Variants in EID1 observed in about 807,000 individuals in gnomAD.
The protein encoded by EID1 is EP300-interacting inhibitor of differentiation 1.
In EID1, 3 loss-of-function variants were observed where a neutral mutation model predicts 13.7. The ratio of observed to expected loss-of-function variants is 0.22; its 90% confidence interval spans 0.10 to 0.57. EID1 has a LOEUF of 0.57. EID1 is among the 20% of genes least tolerant of loss of function. EID1 has a pLI of 0.92. For missense variants in EID1, 261 were observed against 247.6 expected (o/e 1.05, Z -0.36); for synonymous variants, 105 against 97.6 (o/e 1.08, Z -0.44).
chr15:48,878,356 G>C lies in EID1; in HGVS notation c.180G>C (p.Glu60Asp), dbSNP rs1463471097. ...TCGAGGAGGAAGGCCCAATGGAGGA[G>C]GAGGAGGCCCAGCCAATGGCGGCGC... The part of the protein sequence containing the change: ...QQLEEEGPME[E>D]EEAQPMAAPE... The change falls in exon 1 of 1, where the codon GAG (glutamate) becomes GAC (aspartate). Residue 60 changes from glutamate (E) to aspartate (D), a missense_variant. By Grantham distance (45) the Glu-to-Asp change is conservative. Around this residue, in one of 2 missense-constraint regions of EID1, gnomAD observed 244 missense variants for 210.8 expected, o/e 1.16. Coordinates refer to ENST00000530028, the MANE Select transcript of EID1 (RefSeq NM_014335.3). 6.2e-7 allele frequency: 1 copy of C among 1,613,452 alleles called. No homozygotes were observed. Among genetic ancestry groups the C allele is most frequent in the Non-Finnish European group, 8.5e-7 (1 of 1,179,660 alleles).
rs1899889673 is a variant in EID1, at chr15:48,879,100, C to T, written c.*360C>T. The T allele has an allele frequency of 1.0e-5, 2 of 195,640 alleles. No individual in the cohort carries two copies. Among genetic ancestry groups the T allele is most frequent in the African/African-American group, 4.7e-5 (2 of 42,306 alleles). The allele number at this position is 195,640 out of a possible 1,614,324, so 12.1% of individuals were successfully genotyped here. A position where few individuals can be genotyped will look rare whatever the true frequency, so the allele number is the denominator to read the frequency against. On this transcript the variant is annotated 3_prime_UTR_variant, in exon 1 of 1. Transcript: ENST00000530028. The stretch of plus-strand genomic sequence containing the variant: ...AAGAATAAGTCATGACCAAGACAAA[C>T]TGCCAATACAAAAGCCCACTGATAC...
chr15:48,878,561 G>C lies in EID1; in HGVS notation c.385G>C (p.Glu129Gln), dbSNP rs1336241834. Residue 129 changes from glutamate (E) to glutamine (Q), a missense_variant, in exon 1 of 1, where the codon GAA becomes CAA. This residue lies in a region of EID1 where 244 missense variants were observed against 210.8 expected (regional missense o/e 1.16). Coordinates refer to ENST00000530028, the MANE Select transcript of EID1 (RefSeq NM_014335.3). ...CGGCTACAGAGTATCAGCCGCTCTT[G>C]AAGAAGCCGACAAGATGTTTCTGAG... ...GAGYRVSAAL[E>Q]EADKMFLRTR... 17 of 1,614,064 alleles carry C rather than the reference G, an allele frequency of 1.1e-5. No individual in the cohort carries two copies. The highest frequency in any genetic ancestry group is 1.4e-5 in the Non-Finnish European group (17 of 1,179,902).
Position 48,878,205 on chromosome 15 carries a change from T to C in EID1, c.29T>C (p.Leu10Pro), listed in dbSNP as rs748317757. The change falls in exon 1 of 1, where the codon CTG becomes CCG. Residue 10 changes from leucine (L) to proline (P), a missense_variant. By Grantham distance (98) the Leu-to-Pro change is moderately conservative. Around this residue, in one of 2 missense-constraint regions of EID1, gnomAD observed 244 missense variants for 210.8 expected, o/e 1.16. Coordinates refer to ENST00000530028, the MANE Select transcript of EID1 (RefSeq NM_014335.3). Reference sequence around the variant, plus strand: ...TCGGAAATGGCTGAGTTGTCCGAGCTGTATGAAGAGAGCAGTGACCTGCAG... The same window carrying C: ...TCGGAAATGGCTGAGTTGTCCGAGCCGTATGAAGAGAGCAGTGACCTGCAG... MSEMAELSE[L>P]YEESSDLQMD... 8 of 1,576,768 alleles carry C rather than the reference T, an allele frequency of 5.1e-6. No homozygotes were observed. The highest frequency in any genetic ancestry group is 1.3e-5 in the African/African-American group (1 of 74,102).
At position 48,878,241 on chromosome 15, in the gene EID1, T is replaced by C. The variant is rs760215753; in HGVS notation, c.65T>C (p.Met22Thr). 8.7e-6 allele frequency: 14 copies of C among 1,610,466 alleles called. No individual in the cohort carries two copies. Among genetic ancestry groups the C allele is most frequent in the Middle Eastern group, 3.3e-4 (2 of 6,042 alleles). ...EESSDLQMDV[M>T]PGEGDLPQME... ...AGCAGTGACCTGCAGATGGATGTGA[T>C]GCCTGGCGAGGGTGACCTTCCGCAG... The change falls in exon 1 of 1, where the codon ATG becomes ACG. Residue 22 changes from methionine (M) to threonine (T), a missense_variant. Around this residue, in one of 2 missense-constraint regions of EID1, gnomAD observed 244 missense variants for 210.8 expected, o/e 1.16. Transcript: ENST00000530028.
In EID1 at chr15:48,878,775, G is replaced by A; in HGVS notation, c.*35G>A. Reference sequence around the variant, plus strand: ...GTTAAAAGAGGAGGAAACTACTTGAGGAGGGACCCAACTTTCCGCTATCTT... The same window carrying A: ...GTTAAAAGAGGAGGAAACTACTTGAAGAGGGACCCAACTTTCCGCTATCTT... On this transcript the variant is annotated 3_prime_UTR_variant, in exon 1 of 1. Transcript: ENST00000530028. 1 of 1,565,568 alleles carries A rather than the reference G, an allele frequency of 6.4e-7. No individual in the cohort carries two copies. Among genetic ancestry groups the A allele is most frequent in the East Asian group, 2.3e-5 (1 of 44,048 alleles).
At position 48,878,782 on chromosome 15, in the gene EID1, C is replaced by T. The variant is rs768753967; in HGVS notation, c.*42C>T. The T allele has an allele frequency of 6.5e-7, 1 of 1,542,192 alleles. No individual in the cohort carries two copies. Reference sequence around the variant, plus strand: ...GAGGAGGAAACTACTTGAGGAGGGACCCAACTTTCCGCTATCTTTTGGGTT... The same window carrying T: ...GAGGAGGAAACTACTTGAGGAGGGATCCAACTTTCCGCTATCTTTTGGGTT... On this transcript the variant is annotated 3_prime_UTR_variant, in exon 1 of 1. Coordinates refer to ENST00000530028, the MANE Select transcript of EID1 (RefSeq NM_014335.3).
At position 48,879,364 on chromosome 15, in the gene EID1, C is replaced by G. The variant is rs1051601991; in HGVS notation, c.*624C>G. 3.6e-5 allele frequency: 6 copies of G among 167,084 alleles called. No homozygotes were observed. Among genetic ancestry groups the G allele is most frequent in the Non-Finnish European group, 7.3e-5 (5 of 68,126 alleles). The allele number at this position is 167,084 out of a possible 1,614,324, so 10.4% of individuals were successfully genotyped here. On this transcript the variant is annotated 3_prime_UTR_variant, in exon 1 of 1. Transcript: ENST00000530028. ...TCTGAAATTTTGTTTGTACATGTAT[C>G]TTGATCATTTATAAAGCCACTGTGA...
Position 48,878,503 on chromosome 15 carries a change from C to T in EID1, c.327C>T (p.Tyr109=), listed in dbSNP as rs112644597. Reference sequence around the variant, plus strand: ...AATTTGATGACTGGGAGGACGACTACGACTATCCCGAAGAGGAGCAGCTCA... The same window carrying T: ...AATTTGATGACTGGGAGGACGACTATGACTATCCCGAAGAGGAGCAGCTCA... The part of the protein sequence containing the change: ...GEEFDDWEDD[Y]DYPEEEQLSG... Residue 109 remains tyrosine (Y), a synonymous_variant, in exon 1 of 1, where the codon TAC becomes TAT. Transcript: ENST00000530028. 7.0e-4 allele frequency: 1,126 copies of T among 1,613,988 alleles called. 10 individuals carry two copies. The African/African-American group carries it at 0.013, about 19-fold the overall frequency.
rs1315932542 is a variant in EID1 at position 48,879,149 on chromosome 15, G to A, written c.*409G>A. On this transcript the variant is annotated 3_prime_UTR_variant, in exon 1 of 1. Coordinates refer to ENST00000530028, the MANE Select transcript of EID1 (RefSeq NM_014335.3). ...ACTAATTATATAATGAGAAAAAAATGTATCCAACTAGGACACATATCTTTT... is the reference window on the plus strand; with the variant it reads ...ACTAATTATATAATGAGAAAAAAATATATCCAACTAGGACACATATCTTTT... The A allele has an allele frequency of 1.1e-5, 2 of 176,810 alleles. No individual in the cohort carries two copies. Among genetic ancestry groups the A allele is most frequent in the African/African-American group, 4.8e-5 (2 of 41,612 alleles). 11.0% of individuals were successfully genotyped at this position (176,810 alleles called of 1,614,324 possible). A position where few individuals can be genotyped will look rare whatever the true frequency, so the allele number is the denominator to read the frequency against.
Position 48,880,025 on chromosome 15 carries a change from T to A in EID1, c.*1285T>A, listed in dbSNP as rs1237969681. 6.0e-6 allele frequency: 1 copy of A among 167,092 alleles called. No homozygotes were observed. Among genetic ancestry groups the A allele is most frequent in the Non-Finnish European group, 1.5e-5 (1 of 68,112 alleles). The allele number at this position is 167,092 out of a possible 1,614,324, so 10.4% of individuals were successfully genotyped here. ...GAGTATGTTGCCGTGGTTACCTTAC[T>A]AAGATGCTGAAGTTCTAGGAGAGTA... On this transcript the variant is annotated 3_prime_UTR_variant, in exon 1 of 1. Transcript: ENST00000530028.
chr15:48,878,355 A>G lies in EID1; in HGVS notation c.179A>G (p.Glu60Gly). 6.2e-7 allele frequency: 1 copy of G among 1,613,424 alleles called. No individual in the cohort carries two copies. The highest frequency in any genetic ancestry group is 8.5e-7 in the Non-Finnish European group (1 of 1,179,598). ...CTCGAGGAGGAAGGCCCAATGGAGG[A>G]GGAGGAGGCCCAGCCAATGGCGGCG... ...QQLEEEGPMEEEEAQPMAAPE... is the reference protein window; with the variant it reads ...QQLEEEGPMEGEEAQPMAAPE... Residue 60 changes from glutamate (E) to glycine (G), a missense_variant, in exon 1 of 1, where the codon GAG (glutamate) becomes GGG (glycine). Glu to Gly is a moderately conservative substitution (Grantham distance 98). Around this residue, in one of 2 missense-constraint regions of EID1, gnomAD observed 244 missense variants for 210.8 expected, o/e 1.16. Transcript: ENST00000530028.
rs1899883271 is a variant in EID1 at position 48,878,808 on chromosome 15, C to T, written c.*68C>T. 3.5e-6 allele frequency: 5 copies of T among 1,443,714 alleles called. No homozygotes were observed. The highest frequency in any genetic ancestry group is 4.8e-5 in the Admixed American group (2 of 41,340). 89.4% of individuals were successfully genotyped at this position (1,443,714 alleles called of 1,614,324 possible). A position where few individuals can be genotyped will look rare whatever the true frequency, so the allele number is the denominator to read the frequency against. On this transcript the variant is annotated 3_prime_UTR_variant, in exon 1 of 1. Coordinates refer to ENST00000530028, the MANE Select transcript of EID1 (RefSeq NM_014335.3). The stretch of plus-strand genomic sequence containing the variant: ...CCAACTTTCCGCTATCTTTTGGGTT[C>T]ATTCCAAATAGTTTTGTGCCATTGA...
At position 48,880,067 on chromosome 15, in the gene EID1, G is replaced by A. The variant is rs1035216627; in HGVS notation, c.*1327G>A. ...AGGAGAGTAATGATTACATCAGAAG[G>A]CTAGGTTCAGCAAAATAAGTGTATC... On this transcript the variant is annotated 3_prime_UTR_variant, in exon 1 of 1. Coordinates refer to ENST00000530028, the MANE Select transcript of EID1 (RefSeq NM_014335.3). 1 of 167,048 alleles carries A rather than the reference G, an allele frequency of 6.0e-6. No individual in the cohort carries two copies. Among genetic ancestry groups the A allele is most frequent in the South Asian group, 2.1e-4 (1 of 4,832 alleles). The allele number at this position is 167,048 out of a possible 1,614,324, so 10.3% of individuals were successfully genotyped here. A position where few individuals can be genotyped will look rare whatever the true frequency, so the allele number is the denominator to read the frequency against.
At position 48,878,515 on chromosome 15, in the gene EID1, A is replaced by G. The variant is rs770668281; in HGVS notation, c.339A>G (p.Glu113=). 1 of 1,613,962 alleles carries G rather than the reference A, an allele frequency of 6.2e-7. No homozygotes were observed. Among genetic ancestry groups the G allele is most frequent in the African/African-American group, 1.3e-5 (1 of 74,956 alleles). The change falls in exon 1 of 1, where the codon GAA becomes GAG. Residue 113 remains glutamate (E), a synonymous_variant. Coordinates refer to ENST00000530028, the MANE Select transcript of EID1 (RefSeq NM_014335.3). ...GGGAGGACGACTACGACTATCCCGA[A>G]GAGGAGCAGCTCAGTGGTGCCGGCT... ...DDWEDDYDYP[E]EEQLSGAGYR...
Position 48,878,410 on chromosome 15 carries a change from G to C in EID1, c.234G>C (p.Gly78=). Residue 78 remains glycine (G), a synonymous_variant, in exon 1 of 1, where the codon GGG becomes GGC. Transcript: ENST00000530028. ...AGGGGAAACGGAGCCTTGCTAACGG[G>C]CCCAACGCTGGGGAGCAGCCAGGCC... is the stretch of plus-strand genomic sequence containing the variant. The part of the protein sequence containing the change: ...APEGKRSLAN[G]PNAGEQPGQV... The C allele has an allele frequency of 6.2e-7, 1 of 1,611,788 alleles. No homozygotes were observed. Among genetic ancestry groups the C allele is most frequent in the Non-Finnish European group, 8.5e-7 (1 of 1,178,816 alleles).
rs1034665499 is a variant in EID1 at position 48,878,190 on chromosome 15, C to T, written c.14C>T (p.Ala5Val). Residue 5 changes from alanine (A) to valine (V), a missense_variant, in exon 1 of 1, where the codon GCT becomes GTT. Coordinates refer to ENST00000530028, the MANE Select transcript of EID1 (RefSeq NM_014335.3). MSEM[A>V]ELSELYEESS... ...GCGGTTTGCACAATGTCGGAAATGGCTGAGTTGTCCGAGCTGTATGAAGAG... is the reference window on the plus strand; with the variant it reads ...GCGGTTTGCACAATGTCGGAAATGGTTGAGTTGTCCGAGCTGTATGAAGAG... 2.6e-6 allele frequency: 4 copies of T among 1,559,386 alleles called. No homozygotes were observed. In the African/African-American group the frequency reaches 4.1e-5, roughly 16 times the overall value.
At position 48,878,455 on chromosome 15, in the gene EID1, C is replaced by T. The variant is rs779336657; in HGVS notation, c.279C>T (p.Phe93=). The T allele has an allele frequency of 1.9e-6, 3 of 1,613,250 alleles. No individual in the cohort carries two copies. In the South Asian group the frequency reaches 3.3e-5, roughly 18 times the overall value. ...EQPGQVAGAD[F]ESEDEGEEFD... ...CAGGCCAGGTGGCGGGCGCAGACTT[C>T]GAGAGCGAGGACGAGGGCGAGGAAT... The change falls in exon 1 of 1, where the codon TTC becomes TTT. Residue 93 remains phenylalanine (F), a synonymous_variant. Transcript: ENST00000530028.
rs1899911422 is a variant in EID1 at position 48,880,085 on chromosome 15, AGT to A, written c.*1348_*1349del. 6.0e-6 allele frequency: 1 copy of A among 167,122 alleles called. No individual in the cohort carries two copies. The highest frequency in any genetic ancestry group is 1.5e-5 in the Non-Finnish European group (1 of 68,130). The allele number at this position is 167,122 out of a possible 1,614,324, so 10.4% of individuals were successfully genotyped here. A position where few individuals can be genotyped will look rare whatever the true frequency, so the allele number is the denominator to read the frequency against. On this transcript the variant is annotated 3_prime_UTR_variant, in exon 1 of 1. Transcript: ENST00000530028. ...TCAGAAGGCTAGGTTCAGCAAAATA[AGT>A]GTATCAGCAGGTTTTATCATGATCA...
In EID1 at chr15:48,878,376, C is replaced by T; in HGVS notation, c.200C>T (p.Ala67Val). 1.2e-6 allele frequency: 2 copies of T among 1,612,602 alleles called. No individual in the cohort carries two copies. Among genetic ancestry groups the T allele is most frequent in the South Asian group, 1.1e-5 (1 of 90,984 alleles). The change falls in exon 1 of 1, where the codon GCG becomes GTG. Residue 67 changes from alanine to valine, a missense_variant. Physicochemically the swap from Ala to Val is moderately conservative, Grantham distance 64. Transcript: ENST00000530028. ...PMEEEEAQPM[A>V]APEGKRSLAN... The stretch of plus-strand genomic sequence containing the variant: ...GAGGAGGAGGAGGCCCAGCCAATGG[C>T]GGCGCCAGAGGGGAAACGGAGCCTT...
Sources: gnomAD v4.1 joint callset for allele counts on GRCh38, gnomAD v4.1.1 for gene constraint, gnomAD v4.1.1 regional missense constraint, MANE v1.5 for transcripts, NCBI Gene and HGNC (gene_info 2026-07-23, HGNC 2026-07-21) for gene names.